GLIS3: variants seen among roughly 807,000 people sequenced by gnomAD.
GLIS3 encodes zinc finger protein GLIS3.
GLIS3 carries 53 observed loss-of-function variants against 78.6 expected under a neutral mutation model. That is an observed-to-expected ratio of 0.67 (90% CI 0.54 to 0.85). The LOEUF is 0.85. Among genes scored for constraint, GLIS3 ranks in the 40% least tolerant of loss-of-function variants. The pLI is 0.00. For missense variants in GLIS3, 1,703 were observed against 1,231.1 expected (o/e 1.38, Z -5.74); for synonymous variants, 684 against 509.9 (o/e 1.34, Z -4.60).
the GLIS3 span, among the ~76,000 whole-genome samples, chr9:4,359,226 G>A: frequency 5.9e-5 from 9 of 151,984 alleles, no homozygotes; most frequent in South Asian, 2.1e-4. Flanking sequence ...AGATGAGCGC[G>A]TGTGAATCTC....
At chr9:4,293,180 G>C (rs892262668) in intron 1 of GLIS3, among the ~76,000 whole-genome samples, 2 of 152,160 alleles carry the variant, frequency 1.3e-5, no homozygotes, top group Non-Finnish European at 2.9e-5. Flanking sequence ...TAGTCCATAT[G>C]ACTAAGTATT....
At chr9:4,464,878 G>A in the GLIS3 span, among the ~76,000 whole-genome samples, 1 of 152,194 alleles carries the variant, frequency 6.6e-6, no homozygotes, top group Admixed American at 6.5e-5. Flanking sequence ...CTGATGGAAA[G>A]ACACATGTGA....
the GLIS3 span, among the ~76,000 whole-genome samples, chr9:4,385,219 T>C: frequency 7.2e-5 from 11 of 152,166 alleles, no homozygotes; most frequent in Admixed American, 7.2e-4. Context: ...CCACATTCCG[T>C]TTCTTCGTGG....
At chr9:4,154,178 A>G (rs1834886157) in intron 2 of GLIS3, among the ~76,000 whole-genome samples, 1 of 152,230 alleles carries the variant, frequency 6.6e-6, no homozygotes, top group East Asian at 1.9e-4. Context: ...CAGATGTAGC[A>G]TCACTTCTAC....
At chr9:4,134,478 G>T (rs1167799686) in intron 2 of GLIS3, among the ~76,000 whole-genome samples, 1 of 152,128 alleles carries the variant, frequency 6.6e-6, no homozygotes, top group African/African-American at 2.4e-5. Context: ...TCATTTAGCA[G>T]AGTAATTTTA....
intron 7 of GLIS3, among the ~76,000 whole-genome samples, chr9:3,882,034 A>AGAG (rs1821764080): frequency 6.6e-6 from 1 of 152,196 alleles, no homozygotes; most frequent in African/African-American, 2.4e-5. Flanking sequence ...CTCTATATGC[A>AGAG]GAGTTAACTG....
chr9:4,227,621 C>T (rs1428498814), intron 2 of GLIS3, among the ~76,000 whole-genome samples: 3 of 152,186 alleles, frequency 2.0e-5, no homozygotes, highest in Admixed American at 6.5e-5. Flanking sequence ...TTCAGGAACT[C>T]TGGAATGTAT....
chr9:4,356,238 T>G, the GLIS3 span, among the ~76,000 whole-genome samples: 9 of 152,136 alleles, frequency 5.9e-5, no homozygotes, highest in Non-Finnish European at 1.3e-4. Flanking sequence ...TCACACTGAG[T>G]TCAGCAGCAG....
intron 4 of GLIS3, among the ~76,000 whole-genome samples, chr9:4,038,391 T>C (rs552728016): frequency 1.3e-5 from 2 of 152,134 alleles, no homozygotes; most frequent in African/African-American, 2.4e-5. Flanking sequence ...GTTAAAGAAA[T>C]TGGAAAAATT....
chr9:4,116,399 T>C (rs1004192537), intron 4 of GLIS3, among the ~76,000 whole-genome samples: 1 of 152,254 alleles, frequency 6.6e-6, no homozygotes, highest in South Asian at 2.1e-4. Flanking sequence ...ATTATTCTTT[T>C]CACTCATATA....
chr9:4,399,075 C>T, the GLIS3 span, among the ~76,000 whole-genome samples: 1 of 152,206 alleles, frequency 6.6e-6, no homozygotes, highest in Non-Finnish European at 1.5e-5. Flanking sequence ...TTTACGATAA[C>T]AACCACTTCC....
At chr9:4,390,563 G>T in the GLIS3 span, among the ~76,000 whole-genome samples, 5 of 152,136 alleles carry the variant, frequency 3.3e-5, no homozygotes, top group Non-Finnish European at 5.9e-5. Flanking sequence ...TGCAAGTAGG[G>T]TTTATACGCT....
intron 4 of GLIS3, among the ~76,000 whole-genome samples, chr9:4,060,499 G>C (rs1309792023): frequency 6.6e-6 from 1 of 152,168 alleles, no homozygotes; most frequent in East Asian, 1.9e-4. Flanking sequence ...AGCCTTAAGA[G>C]GTGACTGGGT....
At chr9:3,950,900 C>G (rs990865335) in intron 4 of GLIS3, among the ~76,000 whole-genome samples, 2 of 152,216 alleles carry the variant, frequency 1.3e-5, no homozygotes, top group Admixed American at 6.5e-5. Flanking sequence ...TGAAACTATG[C>G]TTCTAGGGCT....
chr9:3,850,770 G>C (rs1272475178), intron 9 of GLIS3, among the ~76,000 whole-genome samples: 2 of 152,124 alleles, frequency 1.3e-5, no homozygotes, highest in African/African-American at 4.8e-5. Context: ...GTGTACTCCA[G>C]CCATCCCTTT....
At chr9:4,389,024 G>A in the GLIS3 span, among the ~76,000 whole-genome samples, 1 of 152,150 alleles carries the variant, frequency 6.6e-6, no homozygotes, top group Non-Finnish European at 1.5e-5. Context: ...CAAAATCAAA[G>A]CAAGAGCACT....
chr9:4,243,859 C>T (rs1270034763), intron 2 of GLIS3, among the ~76,000 whole-genome samples: 3 of 152,224 alleles, frequency 2.0e-5, no homozygotes, highest in Admixed American at 2.0e-4. Context: ...CCTAACCCAC[C>T]TGGTACAGGA....
chr9:4,151,974 A>G (rs1164658187), intron 2 of GLIS3: 1 of 163,758 alleles, frequency 6.1e-6, no homozygotes, highest in Non-Finnish European at 1.3e-5. Context: ...GTAAAATTCA[A>G]TGTTATTCAA....
chr9:4,460,310 G>T, the GLIS3 span, among the ~76,000 whole-genome samples: 46 of 152,204 alleles, frequency 3.0e-4, no homozygotes, highest in African/African-American at 1.1e-3. Flanking sequence ...TTATAAAATG[G>T]GGTTGAAAGT....
Sources: gnomAD v4.1 joint callset for allele counts (sites outside exome capture counted in the v4.1 genomes callset) on GRCh38, gnomAD v4.1.1 for gene constraint, MANE v1.5 for transcripts, NCBI Gene and HGNC (gene_info 2026-07-23, HGNC 2026-07-21) for gene names.